The following SCN9A variants were observed in gnomAD, a reference collection of about 807,000 sequenced individuals.
SCN9A encodes sodium voltage-gated channel alpha subunit 9, also known as sodium channel protein type 9 subunit alpha.
A neutral mutation model predicts 187.0 loss-of-function variants in SCN9A; 131 were observed. The observed-to-expected ratio is 0.70, with a 90% CI of 0.61 to 0.81. The LOEUF is 0.81. Among genes scored for constraint, SCN9A ranks in the 30% least tolerant of loss-of-function variants. The pLI, the probability that SCN9A is intolerant of heterozygous loss-of-function variation, is 0.00. For missense variants in SCN9A, 2,252 were observed against 2,396.6 expected (o/e 0.94, Z 1.26); for synonymous variants, 809 against 808.6 (o/e 1.00, Z -0.01).
At chr2:166,322,160 A>G (rs1699260867) in intron 1 of SCN9A, among the ~76,000 whole-genome samples, 1 of 152,080 alleles carries the variant, frequency 6.6e-6, no homozygotes, top group South Asian at 2.1e-4. Flanking sequence ...CTACTTAGAA[A>G]ACACTTTTTT....
chr2:166,214,501 T>A (rs1235086110), intron 24 of SCN9A, among the ~76,000 whole-genome samples: 1 of 115,598 alleles, frequency 8.7e-6, no homozygotes, highest in Non-Finnish European at 1.6e-5. Flanking sequence ...TCTACAATCT[T>A]TCTTTTTTTT....
At chr2:166,353,461 AC>A (rs755000613) in intron 1 of SCN9A, among the ~76,000 whole-genome samples, 2 of 152,178 alleles carry the variant, frequency 1.3e-5, no homozygotes, top group Non-Finnish European at 2.9e-5. Flanking sequence ...AGAAGGTTTT[AC>A]TAACCTGATG....
At chr2:166,370,235 A>AATCATCATCATCATCATCATC (rs58078583) in intron 1 of SCN9A, among the ~76,000 whole-genome samples, 1 of 137,158 alleles carries the variant, frequency 7.3e-6, no homozygotes, top group Admixed American at 7.4e-5. Flanking sequence ...TAATAATAAT[A>AATCATCATCATCATCATCATC]ATCATCATCA....
rs1487074955 is a variant in SCN9A, at chr2:166,199,843, A to G, written c.4796T>C (p.Ile1599Thr). 6.2e-7 allele frequency: 1 copy of G among 1,613,838 alleles called. No homozygotes were observed. The highest frequency in any genetic ancestry group is 8.5e-7 in the Non-Finnish European group (1 of 1,179,914). Residue 1599 changes from isoleucine (I) to threonine (T), a missense_variant, in exon 27 of 27, where the codon ATT becomes ACT. By Grantham distance (89) the Ile-to-Thr change is moderately conservative. Coordinates refer to ENST00000642356, the MANE Select transcript of SCN9A (RefSeq NM_001365536.1). ...SIVGMFLADLIETYFVSPTLF... is the reference protein window; with the variant it reads ...SIVGMFLADLTETYFVSPTLF... Reference sequence around the variant, plus strand: ...GGTAGGGGACACAAAATACGTTTCAATCAAATCAGCTAGAAACATACCTGT... The same window carrying G: ...GGTAGGGGACACAAAATACGTTTCAGTCAAATCAGCTAGAAACATACCTGT...
chr2:166,197,238 A>G lies in SCN9A; in HGVS notation c.*1434T>C, dbSNP rs1429615347. The G allele has an allele frequency of 6.6e-6, 1 of 150,846 alleles. No individual in the cohort carries two copies. The highest frequency in any genetic ancestry group is 1.5e-5 in the Non-Finnish European group (1 of 67,952). 9.3% of individuals were successfully genotyped at this position (150,846 alleles called of 1,614,324 possible). ...CTCATATTCCTGAAATAAACTCACG[A>G]AAAAAAGCATTATGGTTATTTCTTT... On this transcript the variant is annotated 3_prime_UTR_variant, in exon 27 of 27. Transcript: ENST00000642356.
chr2:166,298,816 C>T (rs1698429702), intron 7 of SCN9A: 1 of 152,174 alleles, frequency 6.6e-6, no homozygotes, highest in African/African-American at 2.4e-5. Context: ...GAAACTCTCA[C>T]AACCAAGTGA....
intron 17 of SCN9A, among the ~76,000 whole-genome samples, chr2:166,255,267 C>G (rs1696217930): frequency 6.6e-6 from 1 of 151,394 alleles, no homozygotes; most frequent in African/African-American, 2.4e-5. Flanking sequence ...GAAAATATGT[C>G]CAAATTAAAA....
At chr2:166,279,513 T>C (rs986146800) in intron 14 of SCN9A, among the ~76,000 whole-genome samples, 5 of 152,164 alleles carry the variant, frequency 3.3e-5, no homozygotes, top group African/African-American at 7.2e-5. Context: ...ACTGTACATT[T>C]TAGAGATCAC....
intron 7 of SCN9A, among the ~76,000 whole-genome samples, chr2:166,297,224 A>AAAAAAAAAAAAAAAAAAAC (rs1698353735): frequency 1.4e-5 from 2 of 141,222 alleles, no homozygotes; most frequent in Admixed American, 7.1e-5. Flanking sequence ...AAAAAAAAAA[A>AAAAAAAAAAAAAAAAAAAC]AAAGAACCAT....
At chr2:166,279,504 C>A (rs1697382301) in intron 14 of SCN9A, among the ~76,000 whole-genome samples, 1 of 152,150 alleles carries the variant, frequency 6.6e-6, no homozygotes, top group Admixed American at 6.6e-5. Flanking sequence ...GTGACCAGCA[C>A]TGTACATTTT....
intron 7 of SCN9A, 68 bp downstream of exon 7, chr2:166,303,022 C>A: frequency 1.7e-6 from 2 of 1,161,182 alleles, no homozygotes; most frequent in Non-Finnish European, 2.5e-6. Flanking sequence ...AGCAACATTT[C>A]ATTATTAAAA....
intron 17 of SCN9A, among the ~76,000 whole-genome samples, chr2:166,270,166 A>G (rs536798872): frequency 1.3e-5 from 2 of 152,250 alleles, no homozygotes; most frequent in East Asian, 3.9e-4. Flanking sequence ...TGGGTCCCAC[A>G]TCTGTAGAGT....
At chr2:166,217,137 T>C (rs1694365534) in intron 24 of SCN9A, among the ~76,000 whole-genome samples, 1 of 152,068 alleles carries the variant, frequency 6.6e-6, no homozygotes, top group Non-Finnish European at 1.5e-5. Context: ...ATAAATGGTG[T>C]TGGGAAAACT....
rs1419759806 is a variant in SCN9A at position 166,228,954 on chromosome 2, T to G, written c.3943A>C (p.Ile1315Leu). 1 of 1,613,430 alleles carries G rather than the reference T, an allele frequency of 6.2e-7. No individual in the cohort carries two copies. Among genetic ancestry groups the G allele is most frequent in the Non-Finnish European group, 8.5e-7 (1 of 1,179,428 alleles). The change falls in exon 22 of 27, where the codon ATA becomes CTA. Residue 1315 changes from isoleucine to leucine, a missense_variant. Around this residue, in one of 7 missense-constraint regions of SCN9A, gnomAD observed 368 missense variants for 408.6 expected, o/e 0.90. Coordinates refer to ENST00000642356, the MANE Select transcript of SCN9A (RefSeq NM_001365536.1). ...EGMRVVVNAL[I>L]GAIPSIMNVL... is the part of the protein sequence containing the mutation. ...TTCATGATGGAAGGAATTGCTCCTA[T>G]GAGTGCATTCACAACGACCTAGTAT... is the stretch of plus-strand genomic sequence containing the variant.
At chr2:166,329,582 T>C (rs1460181367) in intron 1 of SCN9A, among the ~76,000 whole-genome samples, 1 of 151,648 alleles carries the variant, frequency 6.6e-6, no homozygotes, top group African/African-American at 2.4e-5. Context: ...GGGGTTGTTG[T>C]TGTTGTTTGG....
intron 1 of SCN9A, among the ~76,000 whole-genome samples, chr2:166,363,780 A>G (rs988645593): frequency 3.3e-5 from 5 of 152,070 alleles, no homozygotes; most frequent in Non-Finnish European, 7.4e-5. Context: ...TCTTCGAGAC[A>G]TTAGATTTGG....
At chr2:166,252,716 C>T (rs529430824) in intron 17 of SCN9A, among the ~76,000 whole-genome samples, 18 of 151,682 alleles carry the variant, frequency 1.2e-4, no homozygotes, top group African/African-American at 3.9e-4. Context: ...GTGATCATAA[C>T]GCAAATAGGT....
At chr2:166,335,039 G>C (rs1295744745) in intron 1 of SCN9A, among the ~76,000 whole-genome samples, 1 of 152,096 alleles carries the variant, frequency 6.6e-6, no homozygotes, top group Non-Finnish European at 1.5e-5. Context: ...CTAAACAATT[G>C]TATGCTGCAC....
At chr2:166,291,809 C>T (rs1239696404) in intron 9 of SCN9A, among the ~76,000 whole-genome samples, 1 of 152,144 alleles carries the variant, frequency 6.6e-6, no homozygotes, top group African/African-American at 2.4e-5. Context: ...CTGACAAAAA[C>T]AAGCAATGTG....
Sources: gnomAD v4.1 joint callset for allele counts (sites outside exome capture counted in the v4.1 genomes callset) on GRCh38, gnomAD v4.1.1 for gene constraint, gnomAD v4.1.1 regional missense constraint, MANE v1.5 for transcripts, NCBI Gene and HGNC (gene_info 2026-07-23, HGNC 2026-07-21) for gene names.